Variants in CDH18 observed in about 807,000 individuals in gnomAD.
CDH18 encodes the protein cadherin 18, also known as cadherin-18.
Under a neutral mutation model 67.9 loss-of-function variants are expected in CDH18, and 31 were observed. The ratio of observed to expected loss-of-function variants is 0.46; its 90% confidence interval spans 0.34 to 0.62. CDH18 has a LOEUF of 0.62. Among genes scored for constraint, CDH18 ranks in the 20% least tolerant of loss-of-function variants. The pLI is 0.01. For synonymous variants in CDH18, 362 were observed against 347.2 expected, an observed-to-expected ratio of 1.04 and a Z score of -0.48; for missense variants, 890 against 975.5, an observed-to-expected ratio of 0.91 and a Z score of 1.17.
intron 1 of CDH18, among the ~76,000 whole-genome samples, chr5:20,267,635 C>G (rs7726286): frequency 1.3e-5 from 2 of 151,788 alleles, no homozygotes; most frequent in Non-Finnish European, 2.9e-5. Context: ...AAATTTATTC[C>G]TAGGCATTTT....
intron 2 of CDH18, among the ~76,000 whole-genome samples, chr5:19,882,968 T>A (rs2150060964): frequency 6.6e-6 from 1 of 152,266 alleles, no homozygotes; most frequent in East Asian, 1.9e-4. Flanking sequence ...TTCAAATTAA[T>A]AACAAGAATA....
chr5:19,709,004 T>TATCAATAAA (rs70950088), intron 5 of CDH18, among the ~76,000 whole-genome samples: 1 of 149,072 alleles, frequency 6.7e-6, no homozygotes, highest in Non-Finnish European at 1.5e-5. Flanking sequence ...CTAGACTCTG[T>TATCAATAAA]TAAATAAATA....
At chr5:19,560,175 A>G (rs988506301) in intron 8 of CDH18, among the ~76,000 whole-genome samples, 1 of 152,070 alleles carries the variant, frequency 6.6e-6, no homozygotes, top group Non-Finnish European at 1.5e-5. Flanking sequence ...TAAAATTCAT[A>G]TGGAACCAAA....
Position 20,538,898 on chromosome 5 carries a change from G to GTTTTTTTTTTTTT in CDH18, c.-580+36563_-580+36564insAAAAAAAAAAAAA, listed in dbSNP as rs376091293. ...TGGATATACATCCACATAGCCAACT[G>GTTTTTTTTTTTTT]TTTTTTTTTTGTTTTTTTTTTTTTT... On this transcript the variant is annotated intron_variant, in intron 1 of 14. Coordinates refer to the CDH18 transcript ENST00000507958. Among the ~76,000 whole-genome samples, 11 of 106,772 alleles carry GTTTTTTTTTTTTT rather than the reference G, an allele frequency of 1.0e-4. 2 individuals carry two copies. The highest frequency in any genetic ancestry group is 1.3e-4 in the Non-Finnish European group (7 of 55,184). The allele number at this position is 106,772 out of a possible 152,430, so 70.0% of individuals were successfully genotyped here. A position where few individuals can be genotyped will look rare whatever the true frequency, so the allele number is the denominator to read the frequency against.
intron 5 of CDH18, among the ~76,000 whole-genome samples, chr5:19,639,002 TTTG>T (rs1753641075): frequency 2.7e-5 from 1 of 37,304 alleles, no homozygotes; most frequent in East Asian, 1.3e-3. Flanking sequence ...TTTTTTTTTT[TTTG>T]TTTGTTTTTT....
chr5:20,274,782 T>C (rs940322512), intron 1 of CDH18, among the ~76,000 whole-genome samples: 32 of 152,208 alleles, frequency 2.1e-4, no homozygotes. Flanking sequence ...CGTATTATCA[T>C]ACTTTGAGAA....
intron 2 of CDH18, among the ~76,000 whole-genome samples, chr5:20,091,588 A>C (rs1296986597): frequency 6.6e-6 from 1 of 152,202 alleles, no homozygotes; most frequent in Non-Finnish European, 1.5e-5. Context: ...TAATCATTAT[A>C]GCTCAGCCAA....
intron 3 of CDH18, 37 bp from the exon 4 acceptor site, chr5:19,747,273 A>G: frequency 1.3e-6 from 2 of 1,526,686 alleles, no homozygotes; most frequent in East Asian, 4.5e-5. Context: ...GCATATATTT[A>G]TATTCCAACC....
chr5:19,937,023 T>C (rs948365507), intron 2 of CDH18, among the ~76,000 whole-genome samples: 1 of 151,388 alleles, frequency 6.6e-6, no homozygotes, highest in Non-Finnish European at 1.5e-5. Flanking sequence ...TGTACACTCA[T>C]ATGTTACTAT....
chr5:20,383,199 A>G (rs957002131), intron 1 of CDH18, among the ~76,000 whole-genome samples: 4 of 152,182 alleles, frequency 2.6e-5, no homozygotes, highest in Non-Finnish European at 4.4e-5. Context: ...GCGTTATGAT[A>G]GAAAATATTG....
chr5:20,452,789 TA>T (rs1181090028), intron 1 of CDH18, among the ~76,000 whole-genome samples: 1 of 152,086 alleles, frequency 6.6e-6, no homozygotes, highest in African/African-American at 2.4e-5. Context: ...GCTTATATAG[TA>T]AAATATCTAG....
intron 1 of CDH18, among the ~76,000 whole-genome samples, chr5:20,377,378 T>A (rs1743546701): frequency 6.6e-6 from 1 of 152,212 alleles, no homozygotes; most frequent in Non-Finnish European, 1.5e-5. Flanking sequence ...TGATTTTGTA[T>A]TTTAGTTTCA....
intron 2 of CDH18, among the ~76,000 whole-genome samples, chr5:20,023,129 A>G (rs1022636258): frequency 8.5e-5 from 13 of 152,118 alleles, no homozygotes; most frequent in Non-Finnish European, 1.8e-4. Context: ...CCTTTCTATT[A>G]TGATAGCGCC....
chr5:19,612,405 A>C (rs748451200), intron 6 of CDH18, 29 bp downstream of exon 6: 3 of 1,606,306 alleles, frequency 1.9e-6, no homozygotes, highest in East Asian at 2.2e-5. Flanking sequence ...GATAATGATA[A>C]ATTCAAATCA....
intron 2 of CDH18, among the ~76,000 whole-genome samples, chr5:20,021,256 C>A (rs2150433669): frequency 6.6e-6 from 1 of 152,178 alleles, no homozygotes; most frequent in Non-Finnish European, 1.5e-5. Context: ...GTGTAAGGGA[C>A]TTGTCTTATC....
chr5:19,773,329 A>T (rs1773938017), intron 3 of CDH18, among the ~76,000 whole-genome samples: 1 of 152,202 alleles, frequency 6.6e-6, no homozygotes, highest in Non-Finnish European at 1.5e-5. Context: ...TATTTAAAAA[A>T]GATATATCCA....
chr5:20,331,058 G>A (rs1378872410), intron 1 of CDH18, among the ~76,000 whole-genome samples: 2 of 152,154 alleles, frequency 1.3e-5, no homozygotes, highest in Admixed American at 1.3e-4. Context: ...TGCATTTCAT[G>A]AGAAAGTATT....
chr5:19,674,304 T>G (rs1298391460), intron 5 of CDH18, among the ~76,000 whole-genome samples: 1 of 152,096 alleles, frequency 6.6e-6, no homozygotes, highest in African/African-American at 2.4e-5. Context: ...CAAAAATTTA[T>G]TGTGAAACCA....
intron 5 of CDH18, among the ~76,000 whole-genome samples, chr5:19,711,363 A>G (rs987501276): frequency 6.6e-6 from 1 of 152,092 alleles, no homozygotes; most frequent in Non-Finnish European, 1.5e-5. Flanking sequence ...ACTAATATCC[A>G]GAATCTACAA....
Sources: gnomAD v4.1 joint callset for allele counts (sites outside exome capture counted in the v4.1 genomes callset) on GRCh38, gnomAD v4.1.1 for gene constraint, MANE v1.5 for transcripts, NCBI Gene and HGNC (gene_info 2026-07-23, HGNC 2026-07-21) for gene names.